ZNF407: variants seen among roughly 807,000 people sequenced by gnomAD.
The protein encoded by ZNF407 is zinc finger protein 407.
ZNF407 carries 17 observed loss-of-function variants against 131.2 expected under a neutral mutation model. That is an observed-to-expected ratio of 0.13 (90% CI 0.09 to 0.19). The LOEUF (loss-of-function observed/expected upper bound fraction) is 0.19, where lower values mean the gene tolerates loss of function less well. ZNF407 is among the 10% of genes least tolerant of loss of function. ZNF407 has a pLI of 1.00. For synonymous variants in ZNF407, 1,156 were observed against 1,062.0 expected, an observed-to-expected ratio of 1.09 and a Z score of -1.72; for missense variants, 2,681 against 2,830.6, an observed-to-expected ratio of 0.95 and a Z score of 1.20.
At chr18:74,993,995 C>T (rs748912409) in intron 8 of ZNF407, among the ~76,000 whole-genome samples, 13 of 152,274 alleles carry the variant, frequency 8.5e-5, no homozygotes, top group Admixed American at 5.2e-4. Context: ...TGCTGTGGTC[C>T]GGTTTGGACC....
At chr18:74,976,260 T>C (rs1440996383) in intron 8 of ZNF407, among the ~76,000 whole-genome samples, 1 of 152,210 alleles carries the variant, frequency 6.6e-6, no homozygotes, top group Admixed American at 6.5e-5. Context: ...GTAGAGTAGT[T>C]TACGTGTTCT....
chr18:74,735,133 A>G (rs1968383141), intron 3 of ZNF407, among the ~76,000 whole-genome samples: 1 of 152,230 alleles, frequency 6.6e-6, no homozygotes, highest in Non-Finnish European at 1.5e-5. Flanking sequence ...TATTGAAGGA[A>G]AATACTGTAT....
At chr18:74,858,332 T>C (rs1305351695) in intron 4 of ZNF407, among the ~76,000 whole-genome samples, 7 of 152,154 alleles carry the variant, frequency 4.6e-5, no homozygotes, top group African/African-American at 1.7e-4. Context: ...ATTAACCTCC[T>C]CTTACTTATT....
At chr18:74,928,060 G>C (rs947344740) in intron 8 of ZNF407, among the ~76,000 whole-genome samples, 1 of 152,226 alleles carries the variant, frequency 6.6e-6, no homozygotes, top group African/African-American at 2.4e-5. Flanking sequence ...ACCATGGCCT[G>C]TGACACAGTC....
In ZNF407 at chr18:74,849,171, C is replaced by T. The variant is rs900752692; in HGVS notation, c.4878-28026C>T. On this transcript the variant is annotated intron_variant, in intron 4 of 8. Transcript: ENST00000299687. ...TCGGCTCACTGCAACCTCCGCCTCC[C>T]GGTTTCAAGCAATTCTCCTGCCTCA... 5.3e-5 allele frequency among the ~76,000 whole-genome samples: 8 copies of T among 151,448 alleles called. No homozygotes were observed. The East Asian group carries it at 9.7e-4, about 18-fold the overall frequency.
At chr18:74,679,822 C>T (rs1966938725) in intron 3 of ZNF407, among the ~76,000 whole-genome samples, 1 of 152,218 alleles carries the variant, frequency 6.6e-6, no homozygotes, top group Non-Finnish European at 1.5e-5. Context: ...TCTAACCCCA[C>T]AGTTGTCTGT....
chr18:74,884,231 CA>C (rs922744398), intron 6 of ZNF407, among the ~76,000 whole-genome samples: 4 of 152,152 alleles, frequency 2.6e-5, no homozygotes, highest in Non-Finnish European at 5.9e-5. Context: ...TCCAACTTTA[CA>C]GTCTAGAAGT....
chr18:74,744,161 C>G (rs564444885), intron 3 of ZNF407, among the ~76,000 whole-genome samples: 1 of 152,204 alleles, frequency 6.6e-6, no homozygotes, highest in Non-Finnish European at 1.5e-5. Flanking sequence ...ACTTATTATT[C>G]CTCCAGAAAT....
intron 7 of ZNF407, among the ~76,000 whole-genome samples, chr18:74,904,401 A>G (rs992432261): frequency 1.3e-5 from 2 of 152,212 alleles, no homozygotes; most frequent in Non-Finnish European, 1.5e-5. Context: ...GGCTAAAGAA[A>G]AAGAATCAGG....
At position 74,631,290 on chromosome 18, in the gene ZNF407, A is replaced by G. The variant is rs948633687; in HGVS notation, c.271A>G (p.Ile91Val). 3 of 1,614,014 alleles carry G rather than the reference A, an allele frequency of 1.9e-6. No homozygotes were observed. Among genetic ancestry groups the G allele is most frequent in the South Asian group, 1.1e-5 (1 of 91,078 alleles). Reference protein sequence around the residue: ...AEPLKSGKQGICRLETSESSV... With the variant: ...AEPLKSGKQGVCRLETSESSV... ...GCCCCTTAAATCTGGAAAGCAAGGTATTTGTAGATTAGAAACTTCTGAGAG... is the reference window on the plus strand; with the variant it reads ...GCCCCTTAAATCTGGAAAGCAAGGTGTTTGTAGATTAGAAACTTCTGAGAG... The change falls in exon 2 of 9, where the codon ATT becomes GTT. Residue 91 changes from isoleucine to valine, a missense_variant. By Grantham distance (29) the Ile-to-Val change is conservative. Around this residue, in one of 6 missense-constraint regions of ZNF407, gnomAD observed 1,789 missense variants for 1,748.7 expected, o/e 1.02. Coordinates refer to ENST00000299687, the MANE Select transcript of ZNF407 (RefSeq NM_017757.3).
intron 4 of ZNF407, among the ~76,000 whole-genome samples, chr18:74,795,450 G>T (rs1004364963): frequency 1.3e-5 from 2 of 152,128 alleles, no homozygotes; most frequent in Admixed American, 1.3e-4. Context: ...TGACATTACA[G>T]CATTGGAAAA....
intron 7 of ZNF407, among the ~76,000 whole-genome samples, chr18:74,911,633 AT>A (rs1156534704): frequency 8.5e-5 from 13 of 152,176 alleles, no homozygotes; most frequent in Non-Finnish European, 1.9e-4. Flanking sequence ...ACCGCACTCA[AT>A]TCAATTTTCG....
At position 74,634,780 on chromosome 18, in the gene ZNF407, T is replaced by C. The variant is rs781254546; in HGVS notation, c.3761T>C (p.Leu1254Pro). 1 of 1,613,974 alleles carries C rather than the reference T, an allele frequency of 6.2e-7. No homozygotes were observed. Among genetic ancestry groups the C allele is most frequent in the South Asian group, 1.1e-5 (1 of 91,082 alleles). The change falls in exon 2 of 9, where the codon CTC (leucine) becomes CCC (proline). Residue 1254 changes from leucine to proline, a missense_variant. By Grantham distance (98) the Leu-to-Pro change is moderately conservative. Coordinates refer to ENST00000299687, the MANE Select transcript of ZNF407 (RefSeq NM_017757.3). ...VPHRHLCPVT[L>P]DGERSAESPV... ...CACAGACACCTGTGCCCTGTGACGC[T>C]CGATGGGGAGCGCTCGGCTGAAAGC...
At position 74,678,675 on chromosome 18, in the gene ZNF407, T is replaced by C. The variant is rs572314854; in HGVS notation, c.4802+37553T>C. ...ATAGTTTCTTCAGTGTTTCTAGCTG[T>C]CCTCAGCACGAGGGTTGGTCCAAAT... On this transcript the variant is annotated intron_variant, in intron 3 of 8. Transcript: ENST00000299687. Among the ~76,000 whole-genome samples the C allele has an allele frequency of 5.3e-5, 8 of 152,326 alleles. No homozygotes were observed. In the South Asian group the frequency reaches 1.7e-3, roughly 32 times the overall value.
chr18:74,658,243 C>T (rs913820799), intron 3 of ZNF407, among the ~76,000 whole-genome samples: 6 of 151,932 alleles, frequency 3.9e-5, no homozygotes, highest in African/African-American at 9.7e-5. Context: ...CTCAGCCTCC[C>T]GAGCAGCTGG....
intron 3 of ZNF407, among the ~76,000 whole-genome samples, chr18:74,646,788 C>T (rs1039703851): frequency 8.5e-5 from 13 of 152,190 alleles, no homozygotes; most frequent in South Asian, 2.1e-4. Flanking sequence ...TTGGTGAAGC[C>T]GGGAGAGTGC....
chr18:75,017,311 T>C (rs1172121594), intron 8 of ZNF407, among the ~76,000 whole-genome samples: 3 of 152,174 alleles, frequency 2.0e-5, no homozygotes, highest in Non-Finnish European at 2.9e-5. Context: ...GCTAGAAGGA[T>C]ACTTTGTAAC....
At chr18:74,911,025 A>G (rs1016976876) in intron 7 of ZNF407, among the ~76,000 whole-genome samples, 1 of 152,132 alleles carries the variant, frequency 6.6e-6, no homozygotes, top group Non-Finnish European at 1.5e-5. Context: ...TGTATGTATA[A>G]TTACTTTACA....
intron 4 of ZNF407, among the ~76,000 whole-genome samples, chr18:74,842,386 T>C (rs191905218): frequency 9.9e-4 from 151 of 152,332 alleles, no homozygotes; most frequent in Admixed American, 1.6e-3. Context: ...AATTTGCTTA[T>C]ATAAAACAAA....
Sources: gnomAD v4.1 joint callset for allele counts (sites outside exome capture counted in the v4.1 genomes callset) on GRCh38, gnomAD v4.1.1 for gene constraint, gnomAD v4.1.1 regional missense constraint, MANE v1.5 for transcripts, NCBI Gene and HGNC (gene_info 2026-07-23, HGNC 2026-07-21) for gene names.